Variants in GNAI2 observed in about 807,000 individuals in gnomAD.
GNAI2 encodes G protein subunit alpha i2, also known as guanine nucleotide-binding protein G(i) subunit alpha-2.
In GNAI2, 4 loss-of-function variants were observed where a neutral mutation model predicts 36.8. That is an observed-to-expected ratio of 0.11 (90% CI 0.05 to 0.25). The LOEUF is 0.25. Ranked by LOEUF, GNAI2 falls within the 10% of genes least tolerant of loss-of-function variation. GNAI2 has a pLI of 1.00. For missense variants in GNAI2, 230 were observed against 481.3 expected (o/e 0.48, Z 4.89); for synonymous variants, 194 against 194.1 (o/e 1.00, Z 0.01).
rs782389454 is a variant in GNAI2 at position 50,236,467 on chromosome 3, C to G, written c.118+14C>G. The G allele has an allele frequency of 2.5e-6, 4 of 1,572,782 alleles. No individual in the cohort carries two copies. The East Asian group carries it at 7.5e-5, about 29-fold the overall frequency. On this transcript the variant is annotated intron_variant, in intron 1 of 8. Transcript: ENST00000313601. The surrounding 1 kb of genome is among the most constrained non-coding windows in gnomAD (Gnocchi z 4.0). ...TGCTGCTGTTGGGTGAGGCCGCGTC[C>G]CGCACTGGGATCCTTGATTCCCAGC...
intron 8 of GNAI2, 159 bp downstream of exon 8, chr3:50,257,873 G>A (rs1274074572): frequency 1.8e-6 from 1 of 547,036 alleles, no homozygotes; most frequent in Non-Finnish European, 3.2e-6. Flanking sequence ...TGTGAATCAG[G>A]AGGTCAAGTG....
rs1463570635 is a variant in GNAI2, at chr3:50,236,245, C to G, written c.-91C>G. 273 of 1,202,016 alleles carry G rather than the reference C, an allele frequency of 2.3e-4. 2 individuals carry two copies. Among genetic ancestry groups the G allele is most frequent in the Non-Finnish European group, 2.9e-5 (28 of 968,240 alleles). The allele number at this position is 1,202,016 out of a possible 1,614,324, so 74.5% of individuals were successfully genotyped here. Reference sequence around the variant, plus strand: ...CGACCCGAGTGCTTCCCGCAGAGGGCTGGTGGTGGGAGCGGAGTGGGTCGG... The same window carrying G: ...CGACCCGAGTGCTTCCCGCAGAGGGGTGGTGGTGGGAGCGGAGTGGGTCGG... On this transcript the variant is annotated 5_prime_UTR_variant, in exon 1 of 9. Coordinates refer to ENST00000313601, the MANE Select transcript of GNAI2 (RefSeq NM_002070.4). This position sits in a 1 kb window ranked among gnomAD's most constrained non-coding sequence, Gnocchi z 4.0.
upstream of GNAI2, among the ~76,000 whole-genome samples, chr3:50,228,812 A>G (rs1700020680): frequency 6.6e-6 from 1 of 152,156 alleles, no homozygotes; most frequent in African/African-American, 2.4e-5. Context: ...GTCACTCCTG[A>G]CAAGGCCCAC....
At chr3:50,230,441 A>G (rs1028589772), upstream of GNAI2, 1 of 152,198 alleles carries the variant, frequency 6.6e-6, no homozygotes, top group African/African-American at 2.4e-5. Flanking sequence ...AACTCTGGGC[A>G]TCCCTGTGGG....
At chr3:50,257,221 G>A (rs1370396043) in intron 7 of GNAI2, 131 bp downstream of exon 7, 4 of 754,198 alleles carry the variant, frequency 5.3e-6, no homozygotes, top group Non-Finnish European at 2.2e-6. Flanking sequence ...AGGGGCTGGT[G>A]CCTCACTTAG....
chr3:50,244,564 T>G (rs1553701499), intron 1 of GNAI2, among the ~76,000 whole-genome samples: 1 of 152,188 alleles, frequency 6.6e-6, no homozygotes, highest in Non-Finnish European at 1.5e-5. Flanking sequence ...GAAAGCATGT[T>G]CCTTAGGGCT....
rs781915957 is a variant in GNAI2 at position 50,252,361 on chromosome 3, C to T, written c.162-36C>T. Reference sequence around the variant, plus strand: ...GGCAGCCGTGGGAACTCCCAGTGCCCAGGGGACACTAACCTTCCTGGTCCC... The same window carrying T: ...GGCAGCCGTGGGAACTCCCAGTGCCTAGGGGACACTAACCTTCCTGGTCCC... On this transcript the variant is annotated intron_variant, in intron 2 of 8. Transcript: ENST00000313601. The surrounding 1 kb of genome is among the most constrained non-coding windows in gnomAD (Gnocchi z 4.1). The T allele has an allele frequency of 1.2e-6, 2 of 1,611,498 alleles. No homozygotes were observed. Among genetic ancestry groups the T allele is most frequent in the Admixed American group, 3.3e-5 (2 of 60,006 alleles).
chr3:50,236,118 G>T, upstream of GNAI2: 1 of 1,034,484 alleles, frequency 9.7e-7, no homozygotes, highest in Non-Finnish European at 1.2e-6. The surrounding 1 kb of genome is among the most constrained non-coding windows in gnomAD (Gnocchi z 4.0). Context: ...AGCCCGCCCC[G>T]GCCCAGTCAC....
chr3:50,256,183 C>A lies in GNAI2; in HGVS notation c.465-9C>A. On this transcript the variant is annotated splice_polypyrimidine_tract_variant and intron_variant, in intron 4 of 8. Coordinates refer to ENST00000313601, the MANE Select transcript of GNAI2 (RefSeq NM_002070.4). ...GGCCCCCACTGACCCTCCCACCCCC[C>A]ATCCCCAGCTACCTGAACGACCTGG... 1 of 1,497,444 alleles carries A rather than the reference C, an allele frequency of 6.7e-7. No individual in the cohort carries two copies. Among genetic ancestry groups the A allele is most frequent in the Non-Finnish European group, 9.2e-7 (1 of 1,082,878 alleles). 92.8% of individuals were successfully genotyped at this position (1,497,444 alleles called of 1,614,324 possible). A position where few individuals can be genotyped will look rare whatever the true frequency, so the allele number is the denominator to read the frequency against.
intron 8 of GNAI2, chr3:50,258,138 C>G (rs1226077455): frequency 6.3e-6 from 1 of 158,014 alleles, no homozygotes; most frequent in African/African-American, 2.4e-5. Context: ...CTGAGCGTCC[C>G]GGGCTTAGGC....
chr3:50,258,897 G>GAA lies in GNAI2; in HGVS notation c.*554_*555insAA. 2.5e-6 allele frequency: 1 copy of GAA among 398,936 alleles called. No homozygotes were observed. Among genetic ancestry groups the GAA allele is most frequent in the Non-Finnish European group, 4.6e-6 (1 of 219,526 alleles). The allele number at this position is 398,936 out of a possible 1,614,324, so 24.7% of individuals were successfully genotyped here. ...AGCTTTTTAAAAAAATGAAAGTAAA[G>GAA]GAAAAAAAAAAAACTGCAAATCTAG... On this transcript the variant is annotated 3_prime_UTR_variant, in exon 9 of 9. Transcript: ENST00000313601.
rs1359915342 is a variant in GNAI2 at position 50,238,759 on chromosome 3, C to T, written c.118+2306C>T. Among the ~76,000 whole-genome samples, 2 of 152,236 alleles carry T rather than the reference C, an allele frequency of 1.3e-5. No homozygotes were observed. Among genetic ancestry groups the T allele is most frequent in the African/African-American group, 4.8e-5 (2 of 41,464 alleles). On this transcript the variant is annotated intron_variant, in intron 1 of 8. Transcript: ENST00000313601. The surrounding 1 kb of genome is among the most constrained non-coding windows in gnomAD (Gnocchi z 5.0). Reference sequence around the variant, plus strand: ...GGATCCTGGCTTGAGCCATGCCTTTCCCATCCAGGTGCAAGGTGGTGATGG... The same window carrying T: ...GGATCCTGGCTTGAGCCATGCCTTTTCCATCCAGGTGCAAGGTGGTGATGG...
rs1553702783 is a variant in GNAI2 at position 50,253,192 on chromosome 3, C to A, written c.464+8C>A. 1 of 1,601,726 alleles carries A rather than the reference C, an allele frequency of 6.2e-7. No homozygotes were observed. Among genetic ancestry groups the A allele is most frequent in the East Asian group, 2.2e-5 (1 of 44,530 alleles). On this transcript the variant is annotated splice_region_variant and intron_variant, in intron 4 of 8. Transcript: ENST00000313601. The surrounding 1 kb of genome is among the most constrained non-coding windows in gnomAD (Gnocchi z 4.2). ...CAACGACTCAGCTGCCTAGTGAGTG[C>A]TCTGAGGGGCTGGGCAGGGCAGGGC...
At chr3:50,248,070 A>G (rs1287144192) in intron 1 of GNAI2, among the ~76,000 whole-genome samples, 1 of 152,202 alleles carries the variant, frequency 6.6e-6, no homozygotes, top group African/African-American at 2.4e-5. Flanking sequence ...CCCTGTCTCT[A>G]CTAAAAATAC....
In GNAI2 at chr3:50,258,650, C is replaced by T. The variant is rs1051581831; in HGVS notation, c.*307C>T. Reference sequence around the variant, plus strand: ...TGTGATGAGGGGAGGGGGGCACATGCTGAGTCTCCCAAGGCTGCGTCTGGA... The same window carrying T: ...TGTGATGAGGGGAGGGGGGCACATGTTGAGTCTCCCAAGGCTGCGTCTGGA... On this transcript the variant is annotated 3_prime_UTR_variant, in exon 9 of 9. Coordinates refer to ENST00000313601, the MANE Select transcript of GNAI2 (RefSeq NM_002070.4). 2.0e-4 allele frequency: 65 copies of T among 327,824 alleles called. 1 individual carries two copies. Among genetic ancestry groups the T allele is most frequent in the South Asian group, 1.1e-3 (46 of 40,026 alleles). 20.3% of individuals were successfully genotyped at this position (327,824 alleles called of 1,614,324 possible).
At chr3:50,229,183 C>T (rs947720418), upstream of GNAI2, 1 of 152,210 alleles carries the variant, frequency 6.6e-6, no homozygotes, top group Admixed American at 6.5e-5. Context: ...ATGAACAAAG[C>T]AGTAGCTCCT....
intron 1 of GNAI2, among the ~76,000 whole-genome samples, chr3:50,244,472 A>G (rs1487418338): frequency 1.3e-5 from 2 of 152,322 alleles, no homozygotes; most frequent in Admixed American, 1.3e-4. Flanking sequence ...TTAGACTGAG[A>G]CCAAGCCTGG....
rs587768374 is a variant in GNAI2, at chr3:50,258,060, G to A, written c.*25-308G>A. 3.0e-5 allele frequency: 6 copies of A among 197,196 alleles called. No homozygotes were observed. The East Asian group carries it at 4.8e-4, about 16-fold the overall frequency. The allele number at this position is 197,196 out of a possible 1,614,324, so 12.2% of individuals were successfully genotyped here. On this transcript the variant is annotated intron_variant, in intron 8 of 8. Transcript: ENST00000313601. ...AGCCTGCCGGAAGCTGCATGCCAGC[G>A]GAGCCCAGCCCTGCTGCCCACTACC... is the stretch of plus-strand genomic sequence containing the variant.
At chr3:50,249,198 A>G (rs1700490215) in intron 1 of GNAI2, among the ~76,000 whole-genome samples, 1 of 152,014 alleles carries the variant, frequency 6.6e-6, no homozygotes, top group Admixed American at 6.5e-5. Context: ...GGGACCCATG[A>G]CTTCGCATCC....
Sources: allele counts gnomAD v4.1 joint callset (sites outside exome capture counted in the v4.1 genomes callset), GRCh38; gene constraint gnomAD v4.1.1; non-coding constraint Gnocchi (gnomAD v3.1); transcripts MANE v1.5; gene names NCBI Gene and HGNC (gene_info 2026-07-23, HGNC 2026-07-21).